Variants in DPP10 observed in about 807,000 individuals in gnomAD.
The protein encoded by DPP10 is inactive dipeptidyl peptidase 10.
In DPP10, 33 loss-of-function variants were observed where a neutral mutation model predicts 120.9. The ratio of observed to expected loss-of-function variants is 0.27; its 90% CI spans 0.21 to 0.37. The LOEUF (loss-of-function observed/expected upper bound fraction) is 0.37. DPP10 is among the 10% of genes least tolerant of loss of function. The pLI is 1.00. For synonymous variants in DPP10, 337 were observed against 326.1 expected (o/e 1.03, Z -0.36); for missense variants, 816 against 942.8 (o/e 0.87, Z 1.76).
chr2:114,911,366 T>C (rs1489719910), intron 1 of DPP10, among the ~76,000 whole-genome samples: 4 of 152,182 alleles, frequency 2.6e-5, no homozygotes, highest in Non-Finnish European at 1.5e-5. Flanking sequence ...AGAAATTTAT[T>C]AAGGATCCAC....
chr2:115,557,159 C>G (rs2080265401), intron 5 of DPP10, among the ~76,000 whole-genome samples: 1 of 152,072 alleles, frequency 6.6e-6, no homozygotes, highest in Admixed American at 6.6e-5. Context: ...GGGTGTCTCT[C>G]TCTCCCTCTC....
rs985257278 is a variant in DPP10 at position 115,142,028 on chromosome 2, C to T, written c.61-167211C>T. Among the ~76,000 whole-genome samples, 4 of 152,166 alleles carry T rather than the reference C, an allele frequency of 2.6e-5. No homozygotes were observed. The East Asian group carries it at 7.7e-4, about 29-fold the overall frequency. Reference sequence around the variant, plus strand: ...TCCTCAAGTGATCCACCCACCTCAGCCTCTCAAAGTCCTGGGATCAGAGGC... The same window carrying T: ...TCCTCAAGTGATCCACCCACCTCAGTCTCTCAAAGTCCTGGGATCAGAGGC... On this transcript the variant is annotated intron_variant, in intron 1 of 25. Coordinates refer to ENST00000410059, the MANE Select transcript of DPP10 (RefSeq NM_020868.6).
At position 115,836,150 on chromosome 2, in the gene DPP10, C is replaced by T; in HGVS notation, c.1951-7C>T. 6.6e-7 allele frequency: 1 copy of T among 1,519,952 alleles called. No homozygotes were observed. Among genetic ancestry groups the T allele is most frequent in the Non-Finnish European group, 8.8e-7 (1 of 1,131,448 alleles). 94.2% of individuals were successfully genotyped at this position (1,519,952 alleles called of 1,614,324 possible). ...TATATATATATATATATATTTTTCCCCCCCAGGGTTATGGTGGCTATATTG... is the reference window on the plus strand; with the variant it reads ...TATATATATATATATATATTTTTCCTCCCCAGGGTTATGGTGGCTATATTG... On this transcript the variant is annotated splice_polypyrimidine_tract_variant and splice_region_variant and intron_variant, in intron 21 of 25. Transcript: ENST00000410059.
At chr2:115,296,994 G>A (rs932525110) in intron 1 of DPP10, among the ~76,000 whole-genome samples, 1 of 151,946 alleles carries the variant, frequency 6.6e-6, no homozygotes, top group Non-Finnish European at 1.5e-5. Flanking sequence ...ATTATGTATA[G>A]TTTTTTTAAT....
chr2:115,396,047 T>G (rs1018601564), intron 3 of DPP10, among the ~76,000 whole-genome samples: 2 of 152,110 alleles, frequency 1.3e-5, no homozygotes, highest in African/African-American at 4.8e-5. Flanking sequence ...CATACATACT[T>G]TATAACCCTC....
intron 1 of DPP10, among the ~76,000 whole-genome samples, chr2:114,537,137 G>GGTGT (rs140387548): frequency 1.3e-5 from 2 of 151,774 alleles, no homozygotes; most frequent in African/African-American, 4.8e-5. Context: ...CCTTTAGGAG[G>GGTGT]GTGTGTGTGT....
chr2:114,706,778 G>A (rs1655554147), intron 1 of DPP10, among the ~76,000 whole-genome samples: 1 of 152,180 alleles, frequency 6.6e-6, no homozygotes, highest in African/African-American at 2.4e-5. Flanking sequence ...GAGAAAATTA[G>A]CATGAGTGAA....
intron 1 of DPP10, among the ~76,000 whole-genome samples, chr2:114,545,851 A>G (rs1192161362): frequency 1.3e-5 from 2 of 152,184 alleles, no homozygotes; most frequent in Non-Finnish European, 2.9e-5. Context: ...ACCGCAACCC[A>G]TGGAGCAAAT....
intron 1 of DPP10, among the ~76,000 whole-genome samples, chr2:114,690,712 C>T (rs547697294): frequency 3.0e-4 from 45 of 152,094 alleles, no homozygotes; most frequent in Admixed American, 3.9e-4. Context: ...TTCCTATCTA[C>T]GAGCATGGAA....
intron 1 of DPP10, among the ~76,000 whole-genome samples, chr2:114,691,772 T>C (rs1699764657): frequency 6.6e-6 from 1 of 152,052 alleles, no homozygotes; most frequent in Non-Finnish European, 1.5e-5. Flanking sequence ...TTATTATTGA[T>C]CTATTCAGGG....
chr2:115,198,282 C>T (rs536567193), intron 1 of DPP10, among the ~76,000 whole-genome samples: 52 of 152,272 alleles, frequency 3.4e-4, no homozygotes, highest in African/African-American at 1.2e-3. Flanking sequence ...GGTCGTAACA[C>T]CCTGGTACTT....
chr2:115,642,475 T>C (rs2086865367), intron 5 of DPP10, among the ~76,000 whole-genome samples: 1 of 152,182 alleles, frequency 6.6e-6, no homozygotes, highest in Non-Finnish European at 1.5e-5. Context: ...GCAATTCTTT[T>C]CCGCGTCTCC....
At chr2:114,813,941 AACACACACACACAC>A (rs375858356) in intron 1 of DPP10, among the ~76,000 whole-genome samples, 53 of 139,480 alleles carry the variant, frequency 3.8e-4, no homozygotes, top group East Asian at 2.1e-3. Context: ...GGCACGCATG[AACACACACACACAC>A]ACACACACAC....
chr2:114,555,184 A>T (rs1462453175), intron 1 of DPP10, among the ~76,000 whole-genome samples: 1 of 152,160 alleles, frequency 6.6e-6, no homozygotes, highest in Non-Finnish European at 1.5e-5. Flanking sequence ...TACAATAGTG[A>T]TGTGTTTCTG....
intron 5 of DPP10, among the ~76,000 whole-genome samples, chr2:115,642,831 A>G (rs751941025): frequency 5.3e-5 from 8 of 152,100 alleles, no homozygotes; most frequent in Non-Finnish European, 1.2e-4. Context: ...TATATACTAT[A>G]TTGTAGTTTA....
At chr2:114,627,141 A>G (rs2105356396) in intron 1 of DPP10, among the ~76,000 whole-genome samples, 1 of 152,198 alleles carries the variant, frequency 6.6e-6, no homozygotes, top group African/African-American at 2.4e-5. Context: ...CTGGGTGCAC[A>G]ATACTTTACC....
intron 1 of DPP10, among the ~76,000 whole-genome samples, chr2:114,881,586 G>A (rs202056028): frequency 0.12 from 15,922 of 136,790 alleles, 1,081 homozygotes; most frequent in East Asian, 0.17. Flanking sequence ...CTATCTGTCT[G>A]TCTGTCTGTC....
At chr2:115,776,803 G>A (rs1389960045) in intron 13 of DPP10, among the ~76,000 whole-genome samples, 2 of 151,684 alleles carry the variant, frequency 1.3e-5, no homozygotes, top group Non-Finnish European at 2.9e-5. Context: ...TGCCCATACT[G>A]CAAAGGTTAA....
intron 1 of DPP10, among the ~76,000 whole-genome samples, chr2:115,199,615 A>C (rs2055545847): frequency 6.6e-6 from 1 of 152,186 alleles, no homozygotes; most frequent in Non-Finnish European, 1.5e-5. Flanking sequence ...ACTTACCAAA[A>C]GAATTGGGAG....
Sources: gnomAD v4.1 joint callset for allele counts (sites outside exome capture counted in the v4.1 genomes callset) on GRCh38, gnomAD v4.1.1 for gene constraint, MANE v1.5 for transcripts, NCBI Gene and HGNC (gene_info 2026-07-23, HGNC 2026-07-21) for gene names.